Variants in GTF2E2 observed in about 807,000 individuals in gnomAD.
GTF2E2 encodes the protein general transcription factor IIE subunit 2, also known as transcription initiation factor IIE subunit beta.
A neutral mutation model predicts 40.5 loss-of-function variants in GTF2E2; 21 were observed. The ratio of observed to expected loss-of-function variants is 0.52; its 90% confidence interval spans 0.37 to 0.75. GTF2E2 has a LOEUF of 0.75. Among genes scored for constraint, GTF2E2 ranks in the 30% least tolerant of loss-of-function variants. GTF2E2 has a pLI of 0.00. For missense variants in GTF2E2, 298 were observed against 338.4 expected (o/e 0.88, Z 0.94); for synonymous variants, 117 against 121.6 (o/e 0.96, Z 0.25).
chr8:30,656,311 G>C (rs1802446376), intron 1 of GTF2E2, among the ~76,000 whole-genome samples: 1 of 152,214 alleles, frequency 6.6e-6, no homozygotes. Flanking sequence ...AGTTGGATCT[G>C]AAAGAAGGGA....
chr8:30,624,419 GTAGTA>G (rs1484298924), intron 3 of GTF2E2, among the ~76,000 whole-genome samples: 4 of 152,070 alleles, frequency 2.6e-5, no homozygotes, highest in Non-Finnish European at 5.9e-5. Flanking sequence ...CTGTAGCCTT[GTAGTA>G]TAGTTTGAAG....
At chr8:30,656,129 A>G (rs1018803022) in intron 1 of GTF2E2, among the ~76,000 whole-genome samples, 1 of 152,144 alleles carries the variant, frequency 6.6e-6, no homozygotes, top group Non-Finnish European at 1.5e-5. Flanking sequence ...TTCAATTCCT[A>G]AAGCCACCTG....
At chr8:30,653,305 A>G (rs1350244401) in intron 2 of GTF2E2, 128 bp downstream of exon 2, 19 of 689,570 alleles carry the variant, frequency 2.8e-5, no homozygotes, top group Non-Finnish European at 4.5e-5. Flanking sequence ...CTCTTGTCCC[A>G]TCCTTTATAT....
At chr8:30,639,295 CATTTA>C in intron 2 of GTF2E2, among the ~76,000 whole-genome samples, 1 of 152,158 alleles carries the variant, frequency 6.6e-6, no homozygotes, top group South Asian at 2.1e-4. Flanking sequence ...ACTTCCTTAA[CATTTA>C]ATTAAAGTAT....
At position 30,637,936 on chromosome 8, in the gene GTF2E2, T is replaced by TA. The variant is rs1585993040; in HGVS notation, c.167-2814dup. Among the ~76,000 whole-genome samples the TA allele has an allele frequency of 5.3e-5, 8 of 152,362 alleles. No individual in the cohort carries two copies. In the East Asian group the frequency reaches 1.3e-3, roughly 26 times the overall value. Reference sequence around the variant, plus strand: ...TTCTGTTGTGCTTAGACCATAACTCTAAATAATACACAGTAACTAAAAATA... The same window carrying TA: ...TTCTGTTGTGCTTAGACCATAACTCTAAAATAATACACAGTAACTAAAAATA... On this transcript the variant is annotated intron_variant, in intron 2 of 7. Coordinates refer to ENST00000355904, the MANE Select transcript of GTF2E2 (RefSeq NM_002095.6).
Position 30,612,366 on chromosome 8 carries a change from C to T in GTF2E2, c.482G>A (p.Arg161Gln). The change falls in exon 5 of 8, where the codon CGA (arginine) becomes CAA (glutamine). Residue 161 changes from arginine to glutamine, a missense_variant. By Grantham distance (43) the Arg-to-Gln change is conservative. Coordinates refer to ENST00000355904, the MANE Select transcript of GTF2E2 (RefSeq NM_002095.6). Reference protein sequence around the residue: ...LLRLLDQHDQRGLGGILLEDI... With the variant: ...LLRLLDQHDQQGLGGILLEDI... ...TTCTAAAAGAATTCCTCCTAATCCT[C>T]GCTGGTCATGCTGATCTAAGAGCCT... The T allele has an allele frequency of 6.2e-7, 1 of 1,613,072 alleles. No individual in the cohort carries two copies. Among genetic ancestry groups the T allele is most frequent in the Non-Finnish European group, 8.5e-7 (1 of 1,179,122 alleles).
chr8:30,620,574 TA>T (rs1801064112), intron 3 of GTF2E2, among the ~76,000 whole-genome samples: 2 of 152,114 alleles, frequency 1.3e-5, no homozygotes, highest in Non-Finnish European at 2.9e-5. Flanking sequence ...ATATACAATG[TA>T]TTGATAGAGT....
At chr8:30,609,314 G>C in intron 5 of GTF2E2, among the ~76,000 whole-genome samples, 1 of 145,142 alleles carries the variant, frequency 6.9e-6, no homozygotes, top group Admixed American at 6.9e-5. Flanking sequence ...ACTCACTGGA[G>C]CATTTTGGAT....
chr8:30,637,116 C>A, intron 2 of GTF2E2: 1 of 412,060 alleles, frequency 2.4e-6, no homozygotes. Context: ...AGATTCAAAT[C>A]CAGTGTAAAC....
At chr8:30,610,275 A>G (rs1005205669) in intron 5 of GTF2E2, among the ~76,000 whole-genome samples, 1 of 151,890 alleles carries the variant, frequency 6.6e-6, no homozygotes, top group Non-Finnish European at 1.5e-5. Context: ...GTAAAACCAC[A>G]TCTCTACCAA....
rs137948191 is a variant in GTF2E2, at chr8:30,586,974, A to C, written c.644-6578T>G. On this transcript the variant is annotated intron_variant, in intron 6 of 7. Coordinates refer to ENST00000355904, the MANE Select transcript of GTF2E2 (RefSeq NM_002095.6). ...ATCATTTTTTGGATTTGACCCCAAA[A>C]GTTCAGGCAACAAAAGCAAACATAG... Among the ~76,000 whole-genome samples, 524 of 152,344 alleles carry C rather than the reference A, an allele frequency of 3.4e-3. 4 individuals are homozygous for C. Among genetic ancestry groups the C allele is most frequent in the African/African-American group, 0.012 (492 of 41,572 alleles).
chr8:30,641,347 T>C (rs1007357131), intron 2 of GTF2E2, among the ~76,000 whole-genome samples: 1 of 152,156 alleles, frequency 6.6e-6, no homozygotes, highest in Non-Finnish European at 1.5e-5. Context: ...ATAGTTATTA[T>C]TAAAAGCGTA....
intron 5 of GTF2E2, among the ~76,000 whole-genome samples, chr8:30,607,827 T>C (rs1829364535): frequency 6.6e-6 from 1 of 152,182 alleles, no homozygotes; most frequent in Admixed American, 6.5e-5. Flanking sequence ...TCCTTACTCA[T>C]CATTACCCAT....
chr8:30,590,849 C>G (rs923681733), intron 6 of GTF2E2, among the ~76,000 whole-genome samples: 5 of 151,964 alleles, frequency 3.3e-5, no homozygotes, highest in African/African-American at 9.7e-5. Flanking sequence ...GACCACCATG[C>G]CCAGCTGATT....
At chr8:30,629,040 A>G (rs1308596011) in intron 3 of GTF2E2, among the ~76,000 whole-genome samples, 2 of 152,212 alleles carry the variant, frequency 1.3e-5, no homozygotes, top group Admixed American at 6.5e-5. Flanking sequence ...TTCAAATATT[A>G]ACCACTCATA....
chr8:30,645,065 C>T (rs1802017138), intron 2 of GTF2E2, among the ~76,000 whole-genome samples: 2 of 152,152 alleles, frequency 1.3e-5, no homozygotes, highest in African/African-American at 2.4e-5. Flanking sequence ...CTTAAATATA[C>T]ATATTCATCT....
At chr8:30,588,109 T>A (rs1222102784) in intron 6 of GTF2E2, among the ~76,000 whole-genome samples, 1 of 152,166 alleles carries the variant, frequency 6.6e-6, no homozygotes, top group Non-Finnish European at 1.5e-5. Context: ...GGAACACCTG[T>A]ACACTGTTGG....
At chr8:30,592,285 A>G (rs935771812) in intron 6 of GTF2E2, among the ~76,000 whole-genome samples, 3 of 152,208 alleles carry the variant, frequency 2.0e-5, no homozygotes, top group Non-Finnish European at 2.9e-5. Flanking sequence ...AGGCTGAGAT[A>G]GGAGGATCGC....
intron 2 of GTF2E2, among the ~76,000 whole-genome samples, chr8:30,648,444 T>A (rs1802169497): frequency 6.6e-6 from 1 of 152,182 alleles, no homozygotes; most frequent in African/African-American, 2.4e-5. Context: ...AACCTAGCAA[T>A]CCAATGACCG....
Sources: allele counts gnomAD v4.1 joint callset (sites outside exome capture counted in the v4.1 genomes callset), GRCh38; gene constraint gnomAD v4.1.1; transcripts MANE v1.5; gene names NCBI Gene and HGNC (gene_info 2026-07-23, HGNC 2026-07-21).